KIAA1549L: variants seen among roughly 807,000 people sequenced by gnomAD.
The protein encoded by KIAA1549L is KIAA1549 like.
KIAA1549L carries 88 observed loss-of-function variants against 160.7 expected under a neutral mutation model. The observed-to-expected ratio is 0.55, with a 90% CI of 0.46 to 0.65. The LOEUF (loss-of-function observed/expected upper bound fraction) is 0.65. Among genes scored for constraint, KIAA1549L ranks in the 30% least tolerant of loss-of-function variants. The pLI is 0.00. For missense variants in KIAA1549L, 2,258 were observed against 2,437.5 expected, an observed-to-expected ratio of 0.93 and a Z score of 1.55; for synonymous variants, 950 against 976.7, an observed-to-expected ratio of 0.97 and a Z score of 0.51.
intron 16 of KIAA1549L, among the ~76,000 whole-genome samples, chr11:33,620,000 CAATTT>C (rs1850915312): frequency 1.3e-5 from 2 of 151,762 alleles, no homozygotes; most frequent in Non-Finnish European, 2.9e-5. Flanking sequence ...GTAGGATTCT[CAATTT>C]ATTTCAAGAT....
rs1171196069 is a variant in KIAA1549L at position 33,530,458 on chromosome 11, T to A, written c.239-11344T>A. On this transcript the variant is annotated intron_variant, in intron 1 of 20. Transcript: ENST00000658780. ...AAAAATATATATATATATATATATATATATATATATATATATATATATATA... is the reference window on the plus strand; with the variant it reads ...AAAAATATATATATATATATATATAAATATATATATATATATATATATATA... 2.1e-4 allele frequency among the ~76,000 whole-genome samples: 7 copies of A among 33,766 alleles called. 2 individuals are homozygous for A. Among genetic ancestry groups the A allele is most frequent in the East Asian group, 2.0e-3 (5 of 2,550 alleles). 22.2% of individuals were successfully genotyped at this position (33,766 alleles called of 152,430 possible). A position where few individuals can be genotyped will look rare whatever the true frequency, so the allele number is the denominator to read the frequency against.
chr11:33,504,840 C>T (rs753336715), intron 1 of KIAA1549L, among the ~76,000 whole-genome samples: 25 of 152,270 alleles, frequency 1.6e-4, no homozygotes, highest in Non-Finnish European at 3.2e-4. Context: ...AATTATGGCT[C>T]ACTGCAGCCT....
At chr11:33,383,876 A>G (rs1747933040) in intron 1 of KIAA1549L, among the ~76,000 whole-genome samples, 1 of 152,226 alleles carries the variant, frequency 6.6e-6, no homozygotes, top group Non-Finnish European at 1.5e-5. Flanking sequence ...TTGTTTTCAA[A>G]TATCACCAAT....
At chr11:33,403,263 A>ACATG (rs1590221237) in intron 1 of KIAA1549L, 2 of 143,464 alleles carry the variant, frequency 1.4e-5, no homozygotes, top group Non-Finnish European at 3.1e-5. Flanking sequence ...ACACACAGAC[A>ACATG]CAGACACACA....
chr11:33,383,746 C>G (rs1850119093), intron 1 of KIAA1549L, among the ~76,000 whole-genome samples: 1 of 152,190 alleles, frequency 6.6e-6, no homozygotes, highest in Non-Finnish European at 1.5e-5. Context: ...GGCAGGACAG[C>G]AAGTGCCTGC....
In KIAA1549L at chr11:33,465,008, T is replaced by G. The variant is rs567753021; in HGVS notation, c.239-76794T>G. Among the ~76,000 whole-genome samples, 234 of 151,204 alleles carry G rather than the reference T, an allele frequency of 1.5e-3. 1 individual carries two copies. The highest frequency in any genetic ancestry group is 3.0e-3 in the Non-Finnish European group (202 of 67,814). ...AGGGGTTCTCTCTGCTGAAACATCC[T>G]TCCTCCACTCCACATTCAACTCGCA... On this transcript the variant is annotated intron_variant, in intron 1 of 20. Transcript: ENST00000658780.
intron 1 of KIAA1549L, among the ~76,000 whole-genome samples, chr11:33,448,011 T>C (rs939289842): frequency 1.3e-5 from 2 of 152,192 alleles, no homozygotes; most frequent in Non-Finnish European, 2.9e-5. Context: ...ACCAGAAGTA[T>C]AATTGCAAGA....
chr11:33,573,071 C>A lies in KIAA1549L; in HGVS notation c.4231-1631C>A, dbSNP rs867579432. ...ATGTGCTAATTGGTTATTCAGACAT[C>A]TTCCTTTGTGAAGTGTCTGATCAGC... On this transcript the variant is annotated intron_variant, in intron 9 of 20. Transcript: ENST00000658780. Among the ~76,000 whole-genome samples, 7 of 152,322 alleles carry A rather than the reference C, an allele frequency of 4.6e-5. No individual in the cohort carries two copies. In the Middle Eastern group the frequency reaches 0.014, roughly 296 times the overall value.
At chr11:33,622,409 T>C (rs1179118502) in intron 16 of KIAA1549L, among the ~76,000 whole-genome samples, 2 of 152,102 alleles carry the variant, frequency 1.3e-5, no homozygotes, top group African/African-American at 4.8e-5. Flanking sequence ...AGCAGGAAGA[T>C]GGAGAAGCGG....
chr11:33,472,008 T>C (rs554392896), intron 1 of KIAA1549L, among the ~76,000 whole-genome samples: 101 of 152,350 alleles, frequency 6.6e-4, no homozygotes, highest in African/African-American at 2.3e-3. Context: ...CCTGTTGCTC[T>C]GTTGTTCTGA....
intron 1 of KIAA1549L, among the ~76,000 whole-genome samples, chr11:33,506,124 G>C (rs1853080270): frequency 6.6e-6 from 1 of 152,178 alleles, no homozygotes; most frequent in Non-Finnish European, 1.5e-5. Context: ...TCTAATAACT[G>C]TGTTTACTTG....
intron 1 of KIAA1549L, among the ~76,000 whole-genome samples, chr11:33,475,534 T>G (rs914802730): frequency 1.3e-5 from 2 of 149,934 alleles, no homozygotes; most frequent in African/African-American, 4.9e-5. Context: ...TCCAGTCAGG[T>G]GACAGAGTGA....
At chr11:33,622,230 C>A (rs1349607005) in intron 16 of KIAA1549L, among the ~76,000 whole-genome samples, 1 of 152,112 alleles carries the variant, frequency 6.6e-6, no homozygotes, top group Non-Finnish European at 1.5e-5. Flanking sequence ...CAGGCGAGGT[C>A]CAGCTGCAGA....
intron 1 of KIAA1549L, among the ~76,000 whole-genome samples, chr11:33,437,872 C>T (rs958552796): frequency 3.3e-5 from 5 of 152,284 alleles, no homozygotes; most frequent in Middle Eastern, 3.4e-3. Flanking sequence ...ACCTGTTCCT[C>T]AGCCTGTCAA....
At chr11:33,466,233 G>A (rs1274745370) in intron 1 of KIAA1549L, among the ~76,000 whole-genome samples, 1 of 152,098 alleles carries the variant, frequency 6.6e-6, no homozygotes, top group Non-Finnish European at 1.5e-5. Context: ...CTGACAAAGG[G>A]CTCATATCCA....
chr11:33,587,071 T>C (rs1245135950), intron 11 of KIAA1549L, among the ~76,000 whole-genome samples: 1 of 152,208 alleles, frequency 6.6e-6, no homozygotes, highest in East Asian at 1.9e-4. Flanking sequence ...AATGGAGATA[T>C]AACAATAATC....
At chr11:33,667,646 G>A (rs762737191) in intron 20 of KIAA1549L, among the ~76,000 whole-genome samples, 10 of 152,052 alleles carry the variant, frequency 6.6e-5, no homozygotes, top group Non-Finnish European at 1.3e-4. Flanking sequence ...CGTCCACCTC[G>A]GACTTCCAAA....
intron 16 of KIAA1549L, among the ~76,000 whole-genome samples, chr11:33,643,663 G>A (rs1406428210): frequency 6.6e-6 from 1 of 152,174 alleles, no homozygotes; most frequent in Non-Finnish European, 1.5e-5. Context: ...GCTGCAGGAT[G>A]TGCATGGGTC....
chr11:33,534,822 T>C (rs955932148), intron 1 of KIAA1549L, among the ~76,000 whole-genome samples: 2 of 152,222 alleles, frequency 1.3e-5, no homozygotes, highest in Admixed American at 6.5e-5. Context: ...CACCATTCTT[T>C]AGTCATGATA....
Sources: allele counts gnomAD v4.1 joint callset (sites outside exome capture counted in the v4.1 genomes callset), GRCh38; gene constraint gnomAD v4.1.1; transcripts MANE v1.5; gene names NCBI Gene and HGNC (gene_info 2026-07-23, HGNC 2026-07-21).